DPP6: variants seen among roughly 807,000 people sequenced by gnomAD.
DPP6 encodes the protein dipeptidyl peptidase like 6.
In DPP6, 69 loss-of-function variants were observed where a neutral mutation model predicts 122.6. The observed-to-expected ratio is 0.56, with a 90% CI of 0.46 to 0.69. The LOEUF (loss-of-function observed/expected upper bound fraction) is 0.69, where lower values mean the gene tolerates loss of function less well. DPP6 is among the 30% of genes least tolerant of loss of function. The pLI is 0.00. For synonymous variants in DPP6, 418 were observed against 433.1 expected (o/e 0.97, Z 0.43); for missense variants, 928 against 1,116.9 (o/e 0.83, Z 2.41).
the DPP6 span, among the ~76,000 whole-genome samples, chr7:153,794,647 T>C: frequency 1.3e-5 from 2 of 152,224 alleles, no homozygotes; most frequent in African/African-American, 4.8e-5. Context: ...GGTTTTGATA[T>C]GTGAGGACAT....
chr7:154,760,389 C>A lies in DPP6; in HGVS notation c.884-9028C>A, dbSNP rs924898566. Among the ~76,000 whole-genome samples the A allele has an allele frequency of 6.6e-6, 1 of 151,934 alleles. No individual in the cohort carries two copies. The highest frequency in any genetic ancestry group is 6.6e-5 in the Admixed American group (1 of 15,242). Reference sequence around the variant, plus strand: ...ATTCAGTCCATGACATCAGCAAGCTCATTCTGCACAGACCCCAGTTGACCA... The same window carrying A: ...ATTCAGTCCATGACATCAGCAAGCTAATTCTGCACAGACCCCAGTTGACCA... On this transcript the variant is annotated intron_variant, in intron 8 of 25. Transcript: ENST00000377770. This position sits in a 1 kb window ranked among gnomAD's most constrained non-coding sequence, Gnocchi z 4.5.
rs573703137 is a variant in DPP6, at chr7:154,780,934, T to C, written c.1136+7992T>C. Among the ~76,000 whole-genome samples the C allele has an allele frequency of 7.9e-5, 12 of 151,972 alleles. No homozygotes were observed. In the East Asian group the frequency reaches 2.1e-3, roughly 27 times the overall value. ...ATGGGTAAGGGGATAGATAGATGAA[T>C]AGGTGGATAGATGGATAATGAATGG... On this transcript the variant is annotated intron_variant, in intron 10 of 25. Transcript: ENST00000377770.
chr7:154,887,890 T>C (rs990795945), intron 23 of DPP6, among the ~76,000 whole-genome samples, 156 bp downstream of exon 23: 2 of 152,148 alleles, frequency 1.3e-5, no homozygotes, highest in African/African-American at 2.4e-5. Context: ...CGAAGGATCA[T>C]TCCACCAGAG....
intron 3 of DPP6, among the ~76,000 whole-genome samples, chr7:154,504,242 A>G (rs775369723): frequency 6.6e-6 from 1 of 152,198 alleles, no homozygotes; most frequent in African/African-American, 2.4e-5. Flanking sequence ...GCTGGCATTT[A>G]AAGAGATGTA....
the DPP6 span, among the ~76,000 whole-genome samples, chr7:153,803,900 T>C: frequency 6.7e-6 from 1 of 149,390 alleles, no homozygotes; most frequent in African/African-American, 2.4e-5. Flanking sequence ...CTATTGGTTT[T>C]GTTTCTTTGA....
intron 1 of DPP6, among the ~76,000 whole-genome samples, chr7:154,322,316 T>C (rs1248238077): frequency 1.3e-5 from 2 of 152,210 alleles, no homozygotes; most frequent in Non-Finnish European, 2.9e-5. Flanking sequence ...AAGCTTGTTC[T>C]CCATTTCTTC....
At chr7:153,823,205 G>T in the DPP6 span, among the ~76,000 whole-genome samples, 2 of 151,616 alleles carry the variant, frequency 1.3e-5, no homozygotes, top group African/African-American at 4.9e-5. Context: ...CAGTGAAAAT[G>T]TATGGATTTA....
intron 1 of DPP6, among the ~76,000 whole-genome samples, chr7:153,981,052 C>T (rs1005242865): frequency 6.6e-6 from 1 of 151,994 alleles, no homozygotes; most frequent in Non-Finnish European, 1.5e-5. Flanking sequence ...TCTGTAGATG[C>T]CTATTAAGTC....
chr7:153,827,679 C>T, the DPP6 span, among the ~76,000 whole-genome samples: 1 of 152,062 alleles, frequency 6.6e-6, no homozygotes. Flanking sequence ...ACATAGGACA[C>T]CAGAGTCCAC....
chr7:154,424,681 T>C (rs964746618), intron 1 of DPP6, among the ~76,000 whole-genome samples: 1 of 152,236 alleles, frequency 6.6e-6, no homozygotes, highest in African/African-American at 2.4e-5. Context: ...CCACAGGTTC[T>C]GGGAATTAGG....
intron 8 of DPP6, among the ~76,000 whole-genome samples, chr7:154,730,257 C>A (rs547316395): frequency 6.6e-6 from 1 of 152,128 alleles, no homozygotes; most frequent in Non-Finnish European, 1.5e-5. Flanking sequence ...GGAAGGGAAC[C>A]CAGGGGCTGG....
rs149360036 is a variant in DPP6, at chr7:153,946,949, G to A, written c.51+59215G>A. On this transcript the variant is annotated intron_variant, in intron 1 of 25. Transcript: ENST00000404039. ...GCGAATTTCCAAGCTGAAGAGGAGC[G>A]GATCTAGAGCCCAAGGTGGCTAACG... Among the ~76,000 whole-genome samples the A allele has an allele frequency of 1.6e-3, 244 of 152,138 alleles. No homozygotes were observed. In the East Asian group the frequency reaches 0.024, roughly 15 times the overall value.
Position 154,602,962 on chromosome 7 carries a change from T to A in DPP6, c.628-34859T>A, listed in dbSNP as rs1382496810. Among the ~76,000 whole-genome samples, 6 of 97,482 alleles carry A rather than the reference T, an allele frequency of 6.2e-5. 1 individual carries two copies. Among genetic ancestry groups the A allele is most frequent in the Non-Finnish European group, 7.3e-5 (3 of 41,306 alleles). The allele number at this position is 97,482 out of a possible 152,430, so 64.0% of individuals were successfully genotyped here. A position where few individuals can be genotyped will look rare whatever the true frequency, so the allele number is the denominator to read the frequency against. On this transcript the variant is annotated intron_variant, in intron 5 of 25. Coordinates refer to ENST00000377770, the MANE Select transcript of DPP6 (RefSeq NM_130797.4). ...TGAATTCTCTCAACTTTTGTTTATC[T>A]GAAGAATTATTTCGCTTTCATTTTT...
intron 1 of DPP6, among the ~76,000 whole-genome samples, chr7:154,106,991 G>C (rs1382547506): frequency 2.6e-5 from 4 of 152,226 alleles, no homozygotes; most frequent in Middle Eastern, 3.4e-3. Flanking sequence ...GAGGGAATGT[G>C]AGTTTTACAG....
chr7:154,073,552 A>G (rs1036225733), intron 1 of DPP6, among the ~76,000 whole-genome samples: 5 of 152,232 alleles, frequency 3.3e-5, no homozygotes, highest in African/African-American at 7.2e-5. Context: ...GTACTTTTCT[A>G]TACTTACCTT....
At chr7:154,633,084 A>G (rs1835505588) in intron 5 of DPP6, among the ~76,000 whole-genome samples, 1 of 152,256 alleles carries the variant, frequency 6.6e-6, no homozygotes, top group African/African-American at 2.4e-5. Flanking sequence ...GTAATGCTAT[A>G]GGATGAGACT....
chr7:154,696,003 G>GAGGA (rs761512752), intron 7 of DPP6, among the ~76,000 whole-genome samples: 18 of 152,214 alleles, frequency 1.2e-4, no homozygotes, highest in Non-Finnish European at 2.1e-4. Flanking sequence ...AGGCCTCTCA[G>GAGGA]AGGAGGCAGG....
intron 18 of DPP6, among the ~76,000 whole-genome samples, chr7:154,870,752 C>T (rs181303466): frequency 6.6e-6 from 1 of 152,158 alleles, no homozygotes; most frequent in South Asian, 2.1e-4. Flanking sequence ...CACTTGAGGT[C>T]AGGAGTTCAA....
intron 21 of DPP6, among the ~76,000 whole-genome samples, chr7:154,881,576 C>T (rs1454832410): frequency 6.6e-6 from 1 of 152,214 alleles, no homozygotes; most frequent in Non-Finnish European, 1.5e-5. Flanking sequence ...TCGGTATAGA[C>T]CCATCTTCCC....
Sources: gnomAD v4.1 joint callset for allele counts (sites outside exome capture counted in the v4.1 genomes callset) on GRCh38, gnomAD v4.1.1 for gene constraint, Gnocchi (gnomAD v3.1) non-coding constraint, MANE v1.5 for transcripts, NCBI Gene and HGNC (gene_info 2026-07-23, HGNC 2026-07-21) for gene names.